The following HOOK3 variants were observed in gnomAD, a reference collection of about 807,000 sequenced individuals.
HOOK3 encodes the protein protein Hook homolog 3.
In HOOK3, 24 loss-of-function variants were observed where a neutral mutation model predicts 116.3. The observed-to-expected ratio is 0.21, with a 90% confidence interval of 0.15 to 0.29. The LOEUF (loss-of-function observed/expected upper bound fraction) is 0.29. Ranked by LOEUF, HOOK3 falls within the 10% of genes least tolerant of loss-of-function variation. The pLI is 1.00. For synonymous variants in HOOK3, 275 were observed against 283.0 expected (o/e 0.97, Z 0.28); for missense variants, 632 against 830.2 (o/e 0.76, Z 2.93).
rs762393348 is a variant in HOOK3, at chr8:43,029,886, ATTG to A, written c.*11394_*11396del. 2.8e-5 allele frequency: 6 copies of A among 214,124 alleles called. No individual in the cohort carries two copies. 13.3% of individuals were successfully genotyped at this position (214,124 alleles called of 1,614,324 possible). A position where few individuals can be genotyped will look rare whatever the true frequency, so the allele number is the denominator to read the frequency against. On this transcript the variant is annotated 3_prime_UTR_variant, in exon 22 of 22. Transcript: ENST00000307602. ...TTAAGTACCATTGATTGTTCTGTGA[ATTG>A]TTGTTAGTTTCATATTTGACATTGT...
intron 11 of HOOK3, among the ~76,000 whole-genome samples, chr8:42,973,054 T>C (rs1210935420): frequency 3.9e-5 from 6 of 152,166 alleles, no homozygotes; most frequent in African/African-American, 1.4e-4. Flanking sequence ...GAAATGAAAA[T>C]CCTATAGATT....
At chr8:42,957,822 CTT>C (rs1808462388) in intron 7 of HOOK3, among the ~76,000 whole-genome samples, 1 of 145,344 alleles carries the variant, frequency 6.9e-6, no homozygotes, top group South Asian at 2.2e-4. Context: ...TTAAATATCT[CTT>C]CCTTTTTTTT....
chr8:43,024,003 C>T lies in HOOK3; in HGVS notation c.*5505C>T, dbSNP rs1415227952. ...TCTCCTATTATCTAGATCTCTGAGT[C>T]CAGGATAACTCCAGTTATCCCCAGT... is the stretch of plus-strand genomic sequence containing the variant. On this transcript the variant is annotated 3_prime_UTR_variant, in exon 22 of 22. Coordinates refer to ENST00000307602, the MANE Select transcript of HOOK3 (RefSeq NM_032410.4). 4.9e-6 allele frequency: 1 copy of T among 202,480 alleles called. No individual in the cohort carries two copies. Among genetic ancestry groups the T allele is most frequent in the Non-Finnish European group, 1.0e-5 (1 of 98,604 alleles). The allele number at this position is 202,480 out of a possible 1,614,324, so 12.5% of individuals were successfully genotyped here.
chr8:42,992,995 G>GTT (rs1379234578), intron 15 of HOOK3, among the ~76,000 whole-genome samples: 1 of 152,056 alleles, frequency 6.6e-6, no homozygotes, highest in Non-Finnish European at 1.5e-5. Context: ...TTTATACCTA[G>GTT]TTTTTTGAGA....
At chr8:42,979,902 C>T (rs1808903915) in intron 13 of HOOK3, among the ~76,000 whole-genome samples, 1 of 151,262 alleles carries the variant, frequency 6.6e-6, no homozygotes, top group African/African-American at 2.4e-5. Context: ...TCATTGCTGC[C>T]TTGCTGTTCT....
At chr8:43,003,670 G>A (rs1413534714) in intron 17 of HOOK3, among the ~76,000 whole-genome samples, 1 of 152,122 alleles carries the variant, frequency 6.6e-6, no homozygotes, top group Non-Finnish European at 1.5e-5. Context: ...AGTTCTGGAG[G>A]CTAGAAGAAC....
At chr8:42,958,384 A>AT (rs938576998) in intron 7 of HOOK3, among the ~76,000 whole-genome samples, 8 of 151,684 alleles carry the variant, frequency 5.3e-5, no homozygotes, top group South Asian at 2.1e-4. Context: ...CTTTTAATCA[A>AT]TTTTTTTTCA....
chr8:43,014,647 C>A (rs1373025604), intron 21 of HOOK3, among the ~76,000 whole-genome samples: 1 of 152,092 alleles, frequency 6.6e-6, no homozygotes, highest in Non-Finnish European at 1.5e-5. Context: ...CCGCACCCAG[C>A]CCCAGATTCC....
intron 13 of HOOK3, among the ~76,000 whole-genome samples, chr8:42,977,595 A>G (rs1808852651): frequency 6.6e-6 from 1 of 152,166 alleles, no homozygotes; most frequent in Non-Finnish European, 1.5e-5. Context: ...GGCTGGGCAC[A>G]GTGGCTCACA....
chr8:42,957,380 C>G (rs1240506565), intron 7 of HOOK3, among the ~76,000 whole-genome samples: 1 of 152,128 alleles, frequency 6.6e-6, no homozygotes, highest in Admixed American at 6.5e-5. Flanking sequence ...AATGCTGTTG[C>G]ATAACCTACT....
chr8:42,929,858 C>T (rs1421140573), intron 3 of HOOK3, among the ~76,000 whole-genome samples: 1 of 152,114 alleles, frequency 6.6e-6, no homozygotes, highest in Non-Finnish European at 1.5e-5. Context: ...AAGTCTCATT[C>T]AGTTACCCTC....
intron 1 of HOOK3, 81 bp downstream of exon 1, chr8:42,897,269 G>C: frequency 1.0e-6 from 1 of 999,000 alleles, no homozygotes. Context: ...CCCGTGGGGC[G>C]AGCGCTGCGG....
chr8:42,905,318 C>T (rs921504124), intron 1 of HOOK3, among the ~76,000 whole-genome samples: 1,640 of 48,814 alleles, frequency 0.034, no homozygotes, highest in Middle Eastern at 0.078. Context: ...TTTCCTGTTT[C>T]TTTTTTTGGG....
At chr8:42,983,150 C>T (rs963051327) in intron 14 of HOOK3, among the ~76,000 whole-genome samples, 7 of 151,878 alleles carry the variant, frequency 4.6e-5, no homozygotes, top group South Asian at 2.1e-4. Context: ...CTAGCTAACA[C>T]GGTGAAACCC....
intron 21 of HOOK3, among the ~76,000 whole-genome samples, chr8:43,015,138 A>G (rs1809687177): frequency 6.6e-6 from 1 of 151,968 alleles, no homozygotes; most frequent in South Asian, 2.1e-4. Context: ...CTCTGTCTCA[A>G]AAAAAAACAA....
intron 4 of HOOK3, among the ~76,000 whole-genome samples, chr8:42,931,425 CTTTTTTTTTTTTTTT>C (rs764965780): frequency 9.9e-6 from 1 of 100,582 alleles, no homozygotes; most frequent in Admixed American, 1.2e-4. Context: ...CTTCTCTTCT[CTTTTTTTTTTTTTTT>C]TTTTTTTTTG....
chr8:43,007,384 T>G (rs759306158), intron 17 of HOOK3, among the ~76,000 whole-genome samples: 5 of 152,210 alleles, frequency 3.3e-5, no homozygotes, highest in African/African-American at 4.8e-5. Context: ...TTAACATCAG[T>G]GTACGTAACA....
chr8:42,914,653 G>A (rs1442870536), intron 2 of HOOK3, among the ~76,000 whole-genome samples: 1 of 151,970 alleles, frequency 6.6e-6, no homozygotes, highest in Admixed American at 6.6e-5. Flanking sequence ...TAGTTCCTTG[G>A]CCCTTCTTGT....
chr8:42,918,004 A>G (rs1807565616), intron 2 of HOOK3, among the ~76,000 whole-genome samples: 1 of 152,230 alleles, frequency 6.6e-6, no homozygotes, highest in Non-Finnish European at 1.5e-5. Flanking sequence ...AAAAAACACT[A>G]AAATTTGCTA....
Sources: allele counts gnomAD v4.1 joint callset (sites outside exome capture counted in the v4.1 genomes callset), GRCh38; gene constraint gnomAD v4.1.1; transcripts MANE v1.5; gene names NCBI Gene and HGNC (gene_info 2026-07-23, HGNC 2026-07-21).